DCC: variants seen among roughly 807,000 people sequenced by gnomAD.
DCC encodes the protein netrin receptor DCC.
DCC carries 58 observed loss-of-function variants against 172.5 expected under a neutral mutation model. That is an observed-to-expected ratio of 0.34 (90% confidence interval 0.27 to 0.42). The LOEUF is 0.42. Among genes scored for constraint, DCC ranks in the 10% least tolerant of loss-of-function variants. DCC has a pLI of 1.00. For missense variants in DCC, 1,740 were observed against 1,791.0 expected (o/e 0.97, Z 0.51); for synonymous variants, 709 against 644.5 (o/e 1.10, Z -1.52).
At chr18:52,494,336 T>G (rs2030657895) in intron 1 of DCC, among the ~76,000 whole-genome samples, 1 of 150,860 alleles carries the variant, frequency 6.6e-6, no homozygotes, top group African/African-American at 2.4e-5. Flanking sequence ...TTATCTTGCC[T>G]GGAGTTCACT....
chr18:52,422,782 T>C (rs1193882838), intron 1 of DCC, among the ~76,000 whole-genome samples: 1 of 152,102 alleles, frequency 6.6e-6, no homozygotes, highest in Non-Finnish European at 1.5e-5. Context: ...ATAGATATCC[T>C]ATAAAATGGA....
At chr18:53,506,459 A>AAGAC (rs1439751451) in intron 27 of DCC, among the ~76,000 whole-genome samples, 1 of 152,218 alleles carries the variant, frequency 6.6e-6, no homozygotes, top group Non-Finnish European at 1.5e-5. Flanking sequence ...TAGAGTGGAA[A>AAGAC]AGACACTTGA....
chr18:53,025,231 TC>T (rs1396570129), intron 5 of DCC, among the ~76,000 whole-genome samples: 1 of 152,096 alleles, frequency 6.6e-6, no homozygotes, highest in Non-Finnish European at 1.5e-5. Context: ...AAAACCAGTA[TC>T]CTGCCATTTT....
At chr18:53,305,154 T>C (rs1478790946) in intron 12 of DCC, among the ~76,000 whole-genome samples, 1 of 152,226 alleles carries the variant, frequency 6.6e-6, no homozygotes, top group Non-Finnish European at 1.5e-5. Flanking sequence ...CTCTTTTTCT[T>C]TATAAATTAC....
intron 1 of DCC, among the ~76,000 whole-genome samples, chr18:52,399,198 TG>T (rs1460494220): frequency 2.0e-5 from 3 of 151,886 alleles, no homozygotes; most frequent in East Asian, 1.9e-4. Context: ...AAATATATAG[TG>T]TTTTTTTGTT....
intron 23 of DCC, among the ~76,000 whole-genome samples, chr18:53,457,109 G>T (rs535909690): frequency 6.6e-6 from 1 of 152,166 alleles, no homozygotes; most frequent in East Asian, 1.9e-4. Context: ...CAGTCAGCTG[G>T]GTGGGTGAGC....
intron 7 of DCC, among the ~76,000 whole-genome samples, chr18:53,089,700 A>T (rs1345717521): frequency 6.6e-6 from 1 of 152,166 alleles, no homozygotes; most frequent in South Asian, 2.1e-4. Context: ...CATCCCTATT[A>T]TATAGCCATA....
At chr18:53,080,012 C>G (rs996402167) in intron 7 of DCC, among the ~76,000 whole-genome samples, 5 of 151,980 alleles carry the variant, frequency 3.3e-5, no homozygotes, top group Admixed American at 2.0e-4. Context: ...GCTTCTATTT[C>G]TGTTTTTTAA....
At chr18:53,470,285 C>G (rs2045679567) in intron 25 of DCC, among the ~76,000 whole-genome samples, 1 of 152,194 alleles carries the variant, frequency 6.6e-6, no homozygotes, top group South Asian at 2.1e-4. Context: ...GCAAGAGTCT[C>G]CTTTGCTTCA....
At position 52,733,433 on chromosome 18, in the gene DCC, G is replaced by A. The variant is rs1013656117; in HGVS notation, c.92-18621G>A. Among the ~76,000 whole-genome samples, 5 of 152,238 alleles carry A rather than the reference G, an allele frequency of 3.3e-5. No homozygotes were observed. The South Asian group carries it at 6.2e-4, about 19-fold the overall frequency. Reference sequence around the variant, plus strand: ...AGTTCGTTTTCAGCTGCATGTTAGTGTAACTAGTCTGCAGCCATCCCTTTC... The same window carrying A: ...AGTTCGTTTTCAGCTGCATGTTAGTATAACTAGTCTGCAGCCATCCCTTTC... On this transcript the variant is annotated intron_variant, in intron 1 of 28. Transcript: ENST00000442544.
chr18:53,264,475 T>G (rs1410046951), intron 12 of DCC, among the ~76,000 whole-genome samples: 2 of 81,026 alleles, frequency 2.5e-5, no homozygotes, highest in African/African-American at 6.4e-5. Flanking sequence ...AAACTCCGTC[T>G]CAAAAAAAAA....
intron 5 of DCC, among the ~76,000 whole-genome samples, chr18:52,997,540 G>T (rs905884554): frequency 2.6e-5 from 4 of 152,038 alleles, no homozygotes; most frequent in African/African-American, 9.7e-5. Context: ...GTGAGAACTT[G>T]AAGAATTCTT....
intron 13 of DCC, among the ~76,000 whole-genome samples, chr18:53,313,916 C>T (rs947322356): frequency 1.3e-5 from 2 of 152,170 alleles, no homozygotes; most frequent in African/African-American, 4.8e-5. Context: ...TGGGACCAAT[C>T]ATGTATTCTG....
At chr18:53,236,992 A>T (rs1025116110) in intron 12 of DCC, 3 of 152,098 alleles carry the variant, frequency 2.0e-5, no homozygotes, top group Admixed American at 2.0e-4. Context: ...CTCATCTTGA[A>T]ATCAAGCAGT....
chr18:52,534,546 T>C (rs1371508361), intron 1 of DCC, among the ~76,000 whole-genome samples: 1 of 152,168 alleles, frequency 6.6e-6, no homozygotes, highest in East Asian at 1.9e-4. Context: ...TATTCATTTA[T>C]TGCGCAAATA....
At chr18:52,416,916 T>G (rs1308656384) in intron 1 of DCC, among the ~76,000 whole-genome samples, 1 of 152,044 alleles carries the variant, frequency 6.6e-6, no homozygotes, top group Non-Finnish European at 1.5e-5. Context: ...CCTGTCATTA[T>G]GATGTTAGCT....
At chr18:53,529,421 A>G (rs549499570) in intron 28 of DCC, among the ~76,000 whole-genome samples, 1 of 152,290 alleles carries the variant, frequency 6.6e-6, no homozygotes, top group African/African-American at 2.4e-5. Context: ...TGGTTCAATC[A>G]TTTAATCAAT....
At chr18:53,301,593 C>T (rs2144773831) in intron 12 of DCC, among the ~76,000 whole-genome samples, 1 of 152,212 alleles carries the variant, frequency 6.6e-6, no homozygotes, top group South Asian at 2.1e-4. Flanking sequence ...CCAAACCCTG[C>T]CTCCATTCCC....
intron 2 of DCC, among the ~76,000 whole-genome samples, chr18:52,783,321 C>CTTTTTTTTT (rs1568100450): frequency 1.6e-5 from 1 of 62,122 alleles, no homozygotes; most frequent in Non-Finnish European, 3.0e-5. Context: ...TATACTACTA[C>CTTTTTTTTT]TCTTTTTTTT....
Sources: allele counts gnomAD v4.1 joint callset (sites outside exome capture counted in the v4.1 genomes callset), GRCh38; gene constraint gnomAD v4.1.1; transcripts MANE v1.5; gene names NCBI Gene and HGNC (gene_info 2026-07-23, HGNC 2026-07-21).